UBA6: variants seen among roughly 807,000 people sequenced by gnomAD.
UBA6 encodes the protein ubiquitin like modifier activating enzyme 6.
Under a neutral mutation model 148.3 loss-of-function variants are expected in UBA6, and 87 were observed. The ratio of observed to expected loss-of-function variants is 0.59; its 90% CI spans 0.49 to 0.70. The LOEUF is 0.70. Ranked by LOEUF, UBA6 falls within the 30% of genes least tolerant of loss-of-function variation. UBA6 has a pLI of 0.00. For missense variants in UBA6, 1,186 were observed against 1,241.2 expected, an observed-to-expected ratio of 0.96 and a Z score of 0.67; for synonymous variants, 376 against 401.0, an observed-to-expected ratio of 0.94 and a Z score of 0.75.
In UBA6 at chr4:67,620,429, G is replaced by A. The variant is rs116610297; in HGVS notation, c.3024-1297C>T. On this transcript the variant is annotated intron_variant, in intron 32 of 32. Transcript: ENST00000322244. ...CTCTGTAAAAATTTTCATTATCACA[G>A]TTATTCAATTATACTTTAATGATTA... 2.8e-3 allele frequency among the ~76,000 whole-genome samples: 425 copies of A among 152,266 alleles called. 1 individual carries two copies. Among genetic ancestry groups the A allele is most frequent in the Non-Finnish European group, 5.4e-3 (370 of 68,014 alleles).
At chr4:67,631,612 A>T (rs1728998170) in intron 25 of UBA6, 96 bp downstream of exon 25, 3 of 919,384 alleles carry the variant, frequency 3.3e-6, no homozygotes, top group Non-Finnish European at 4.8e-6. Context: ...TTAACATTAA[A>T]GAGCCTAAGG....
chr4:67,649,532 A>T (rs998349994), intron 13 of UBA6, among the ~76,000 whole-genome samples: 8 of 152,210 alleles, frequency 5.3e-5, no homozygotes, highest in Non-Finnish European at 1.2e-4. Flanking sequence ...CCAGTCAGAC[A>T]TATTTACAAA....
chr4:67,625,220 C>A, intron 28 of UBA6, 33 bp from the exon 29 acceptor site: 1 of 1,525,428 alleles, frequency 6.6e-7, no homozygotes, highest in Non-Finnish European at 8.9e-7. Context: ...CAAAGTTCCA[C>A]AGCAAGCAGT....
intron 19 of UBA6, among the ~76,000 whole-genome samples, chr4:67,636,600 G>A (rs576543096): frequency 6.6e-6 from 1 of 152,330 alleles, no homozygotes; most frequent in East Asian, 1.9e-4. Context: ...TGCAGTGTTG[G>A]CCGGGCTGGT....
Position 67,663,191 on chromosome 4 carries a change from T to C in UBA6, c.985A>G (p.Met329Val), listed in dbSNP as rs570633528. The C allele has an allele frequency of 2.0e-5, 33 of 1,611,726 alleles. No individual in the cohort carries two copies. The highest frequency in any genetic ancestry group is 1.5e-4 in the Admixed American group (9 of 59,458). ...PEAPLEIHTA[M>V]LALDQFQEKY... The stretch of plus-strand genomic sequence containing the variant: ...TCCTGAAACTGGTCCAAGGCAAGCA[T>C]AGCTGTGTGAATCTCTAAAGGTGCC... The change falls in exon 12 of 33, where the codon ATG (methionine) becomes GTG (valine). Residue 329 changes from methionine (M) to valine (V), a missense_variant. Met to Val is a conservative substitution (Grantham distance 21). Coordinates refer to ENST00000322244, the MANE Select transcript of UBA6 (RefSeq NM_018227.6).
At chr4:67,632,005 C>T (rs1729010748) in intron 23 of UBA6, 97 bp from the exon 24 acceptor site, 2 of 1,131,546 alleles carry the variant, frequency 1.8e-6, no homozygotes, top group East Asian at 2.6e-5. Context: ...TAAATATATG[C>T]ACATGATTCA....
At chr4:67,666,194 T>C (rs1729991736) in intron 9 of UBA6, among the ~76,000 whole-genome samples, 1 of 151,940 alleles carries the variant, frequency 6.6e-6, no homozygotes. Flanking sequence ...CCTCATTTCT[T>C]AAAAAGAAAA....
At chr4:67,638,059 G>T (rs1231692451) in intron 19 of UBA6, 1 of 152,262 alleles carries the variant, frequency 6.6e-6, no homozygotes, top group African/African-American at 2.4e-5. Context: ...GAATGTTAAA[G>T]CAAGAAAAAC....
intron 3 of UBA6, among the ~76,000 whole-genome samples, chr4:67,681,849 A>G (rs1730447606): frequency 6.6e-6 from 1 of 152,180 alleles, no homozygotes; most frequent in Non-Finnish European, 1.5e-5. Flanking sequence ...TGAATACAGT[A>G]TATGTATGTG....
At chr4:67,682,929 T>C in intron 2 of UBA6, among the ~76,000 whole-genome samples, 1 of 152,192 alleles carries the variant, frequency 6.6e-6, no homozygotes, top group East Asian at 1.9e-4. Context: ...ACTTTCAGAA[T>C]TAACACATAC....
At chr4:67,696,506 T>G (rs1730841686) in intron 2 of UBA6, 139 bp downstream of exon 2, 1 of 578,740 alleles carries the variant, frequency 1.7e-6, no homozygotes, top group African/African-American at 2.0e-5. Flanking sequence ...TATACACACA[T>G]ACATATATAC....
At chr4:67,639,215 A>G in intron 18 of UBA6, 91 bp from the exon 19 acceptor site, 1 of 1,034,920 alleles carries the variant, frequency 9.7e-7, no homozygotes. Flanking sequence ...AAGAATGTGT[A>G]AGTTCAGTCA....
chr4:67,679,799 A>T (rs2109948593), intron 4 of UBA6, among the ~76,000 whole-genome samples: 1 of 152,290 alleles, frequency 6.6e-6, no homozygotes, highest in Admixed American at 6.5e-5. Context: ...CCTGAAAATC[A>T]GAAATTTCAG....
chr4:67,673,673 G>A (rs1226149744), intron 7 of UBA6, 24 bp downstream of exon 7: 28 of 1,539,608 alleles, frequency 1.8e-5, no homozygotes, highest in Non-Finnish European at 2.5e-5. Flanking sequence ...TTAACTACAT[G>A]TCATTACTAA....
intron 13 of UBA6, among the ~76,000 whole-genome samples, chr4:67,655,264 T>C (rs1729658183): frequency 6.6e-6 from 1 of 152,198 alleles, no homozygotes; most frequent in South Asian, 2.1e-4. Flanking sequence ...ATCGCACTTA[T>C]TCTAAAATTG....
chr4:67,636,410 C>T (rs1560481728), intron 19 of UBA6, among the ~76,000 whole-genome samples: 1 of 152,168 alleles, frequency 6.6e-6, no homozygotes. Flanking sequence ...TCTCCCTCTC[C>T]CTCTCTTTCC....
At chr4:67,665,059 CA>C (rs1040724265) in intron 10 of UBA6, 129 bp downstream of exon 10, 26 of 546,522 alleles carry the variant, frequency 4.8e-5, no homozygotes, top group Admixed American at 7.3e-5. Flanking sequence ...TGGGTACAAA[CA>C]AAAAAATAAA....
chr4:67,645,782 G>T (rs920853493), intron 16 of UBA6, among the ~76,000 whole-genome samples, 156 bp downstream of exon 16: 1 of 152,138 alleles, frequency 6.6e-6, no homozygotes, highest in Non-Finnish European at 1.5e-5. Flanking sequence ...TAAAGGGTCA[G>T]ACAGTAAACA....
intron 26 of UBA6, 88 bp from the exon 27 acceptor site, chr4:67,629,230 T>A: frequency 1.3e-6 from 1 of 798,350 alleles, no homozygotes. Flanking sequence ...TTAATCATAT[T>A]ACAATATATG....
Sources: gnomAD v4.1 joint callset for allele counts (sites outside exome capture counted in the v4.1 genomes callset) on GRCh38, gnomAD v4.1.1 for gene constraint, MANE v1.5 for transcripts, NCBI Gene and HGNC (gene_info 2026-07-23, HGNC 2026-07-21) for gene names.